ZFHX4: variants seen among roughly 807,000 people sequenced by gnomAD.
ZFHX4 encodes the protein zinc finger homeobox 4.
In ZFHX4, 56 loss-of-function variants were observed where a neutral mutation model predicts 267.6. The observed-to-expected ratio is 0.21, with a 90% CI of 0.17 to 0.26. ZFHX4 has a LOEUF of 0.26. Ranked by LOEUF, ZFHX4 falls within the 10% of genes least tolerant of loss-of-function variation. The pLI, the probability that ZFHX4 is intolerant of heterozygous loss-of-function variation, is 1.00. For missense variants in ZFHX4, 4,332 were observed against 4,420.0 expected (o/e 0.98, Z 0.56); for synonymous variants, 1,778 against 1,665.6 (o/e 1.07, Z -1.64).
chr8:76,825,930 A>G (rs963586973), intron 4 of ZFHX4, among the ~76,000 whole-genome samples: 1 of 152,230 alleles, frequency 6.6e-6, no homozygotes, highest in African/African-American at 2.4e-5. Context: ...TCACTGAGCC[A>G]AAGAAATGCA....
intron 3 of ZFHX4, among the ~76,000 whole-genome samples, chr8:76,740,535 C>G (rs558614860): frequency 6.6e-6 from 1 of 151,884 alleles, no homozygotes; most frequent in South Asian, 2.1e-4. Flanking sequence ...GAGAAAGAGT[C>G]AAGGAGAAAA....
chr8:76,710,991 A>C (rs1808407723), intron 3 of ZFHX4, among the ~76,000 whole-genome samples: 1 of 152,116 alleles, frequency 6.6e-6, no homozygotes. Context: ...GCTAGTAAAA[A>C]ATATTTATTT....
At chr8:76,811,519 T>C (rs538813014) in intron 4 of ZFHX4, among the ~76,000 whole-genome samples, 4 of 152,280 alleles carry the variant, frequency 2.6e-5, no homozygotes, top group African/African-American at 9.6e-5. Flanking sequence ...AGTTAGTTTA[T>C]TTCAATGTAA....
intron 3 of ZFHX4, among the ~76,000 whole-genome samples, chr8:76,744,321 G>C (rs1215118568): frequency 6.6e-6 from 1 of 152,036 alleles, no homozygotes; most frequent in East Asian, 1.9e-4. Context: ...ACTTTAGCCT[G>C]GGCGACAGAG....
chr8:76,770,155 C>T (rs534262416), intron 3 of ZFHX4, among the ~76,000 whole-genome samples: 2 of 152,266 alleles, frequency 1.3e-5, no homozygotes, highest in South Asian at 2.1e-4. Flanking sequence ...TGTTATAACA[C>T]AAATAAATCT....
intron 3 of ZFHX4, among the ~76,000 whole-genome samples, chr8:76,764,769 A>C (rs1810008617): frequency 6.6e-6 from 1 of 152,116 alleles, no homozygotes; most frequent in Non-Finnish European, 1.5e-5. Context: ...TCTTTGTTTA[A>C]CTTCATATTA....
At position 76,706,556 on chromosome 8, in the gene ZFHX4, A is replaced by C; in HGVS notation, c.2468A>C (p.Tyr823Ser). The C allele has an allele frequency of 1.2e-6, 2 of 1,612,686 alleles. No individual in the cohort carries two copies. The highest frequency in any genetic ancestry group is 1.7e-6 in the Non-Finnish European group (2 of 1,179,462). Reference sequence around the variant, plus strand: ...CCGGCGGAAGCAGAGCTTTATCAGTACTACCTAGCCCAGAACATAGGCCTG... The same window carrying C: ...CCGGCGGAAGCAGAGCTTTATCAGTCCTACCTAGCCCAGAACATAGGCCTG... ...LAPAEAELYQ[Y>S]YLAQNIGLTG... Residue 823 changes from tyrosine (Y) to serine (S), a missense_variant, in exon 2 of 11, where the codon TAC (tyrosine) becomes TCC (serine). Physicochemically the swap from Tyr to Ser is moderately radical, Grantham distance 144. This residue lies in a region of ZFHX4 where 1,195 missense variants were observed against 1,173.6 expected (regional missense o/e 1.02). Transcript: ENST00000651372.
At chr8:76,699,515 G>GT (rs371838765) in intron 1 of ZFHX4, among the ~76,000 whole-genome samples, 5 of 152,166 alleles carry the variant, frequency 3.3e-5, no homozygotes, top group African/African-American at 1.2e-4. Context: ...TGTATCTGAC[G>GT]TAACTGGTAC....
chr8:76,853,047 T>TCCCCCCCCC lies in ZFHX4; in HGVS notation c.6131_6132insCCCCCCCCC (p.Pro2059_Pro2061dup). 1.1e-6 allele frequency: 1 copy of TCCCCCCCCC among 901,580 alleles called. No individual in the cohort carries two copies. The highest frequency in any genetic ancestry group is 1.7e-6 in the Non-Finnish European group (1 of 602,260). 55.8% of individuals were successfully genotyped at this position (901,580 alleles called of 1,614,324 possible). A position where few individuals can be genotyped will look rare whatever the true frequency, so the allele number is the denominator to read the frequency against. ...CTCTGCAAGCTCCACCACCCACTCC[T>TCCCCCCCCC]CCCCCACCACCACCACCTCCTCCTC... On this transcript the variant is annotated inframe_insertion, in exon 10 of 11. Transcript: ENST00000651372.
chr8:76,723,590 A>C (rs1278028765), intron 3 of ZFHX4, among the ~76,000 whole-genome samples: 1 of 150,814 alleles, frequency 6.6e-6, no homozygotes, highest in Non-Finnish European at 1.5e-5. Flanking sequence ...TACTCATTTC[A>C]TGTATTCATT....
At chr8:76,797,613 C>T (rs1442203641) in intron 4 of ZFHX4, among the ~76,000 whole-genome samples, 4 of 152,056 alleles carry the variant, frequency 2.6e-5, no homozygotes, top group Admixed American at 6.6e-5. Context: ...CTTTTACTTG[C>T]GTTAATCAAC....
Position 76,704,578 on chromosome 8 carries a change from G to A in ZFHX4, c.490G>A (p.Ala164Thr), listed in dbSNP as rs147642461. 3,111 of 1,613,932 alleles carry A rather than the reference G, an allele frequency of 1.9e-3. 10 individuals are homozygous for A. The highest frequency in any genetic ancestry group is 2.4e-3 in the Non-Finnish European group (2,838 of 1,179,880). Residue 164 changes from alanine (A) to threonine (T), a missense_variant, in exon 2 of 11, where the codon GCG (alanine) becomes ACG (threonine). Physicochemically the swap from Ala to Thr is moderately conservative, Grantham distance 58. Transcript: ENST00000651372. Reference protein sequence around the residue: ...TGANSKLFSTAMFLDSLASAG... With the variant: ...TGANSKLFSTTMFLDSLASAG... Reference sequence around the variant, plus strand: ...GGCAAATAGCAAACTCTTTTCTACAGCGATGTTCCTGGACTCCCTGGCATC... The same window carrying A: ...GGCAAATAGCAAACTCTTTTCTACAACGATGTTCCTGGACTCCCTGGCATC...
chr8:76,826,766 T>G (rs1811796203), intron 4 of ZFHX4, among the ~76,000 whole-genome samples: 1 of 152,232 alleles, frequency 6.6e-6, no homozygotes, highest in Non-Finnish European at 1.5e-5. Context: ...GAGTAAGTTC[T>G]AGAGATCTGC....
At chr8:76,771,127 T>C (rs940160906) in intron 3 of ZFHX4, among the ~76,000 whole-genome samples, 1 of 152,168 alleles carries the variant, frequency 6.6e-6, no homozygotes, top group Non-Finnish European at 1.5e-5. Flanking sequence ...TGAAGAGTGT[T>C]AAGTAGAGAT....
At chr8:76,683,432 A>C (rs1442919719) in intron 1 of ZFHX4, among the ~76,000 whole-genome samples, 1 of 147,550 alleles carries the variant, frequency 6.8e-6, no homozygotes, top group Non-Finnish European at 1.5e-5. Context: ...ACAAAAACCC[A>C]AAGACAAGTT....
At chr8:76,718,051 C>CT (rs1446124687) in intron 3 of ZFHX4, among the ~76,000 whole-genome samples, 5 of 152,190 alleles carry the variant, frequency 3.3e-5, no homozygotes, top group Non-Finnish European at 7.3e-5. Context: ...GGTAGCAAGT[C>CT]TAATTGCCGA....
intron 4 of ZFHX4, among the ~76,000 whole-genome samples, chr8:76,813,569 A>G (rs1290491450): frequency 6.6e-6 from 1 of 152,162 alleles, no homozygotes; most frequent in African/African-American, 2.4e-5. Flanking sequence ...TACTTTTTGT[A>G]GAATACATAT....
chr8:76,825,742 T>C (rs1811767390), intron 4 of ZFHX4, among the ~76,000 whole-genome samples: 1 of 152,146 alleles, frequency 6.6e-6, no homozygotes, highest in Non-Finnish European at 1.5e-5. Flanking sequence ...AATAAAATAT[T>C]GGGAATTATG....
chr8:76,705,686 C>T lies in ZFHX4; in HGVS notation c.1598C>T (p.Thr533Ile). ...TCCTCGGCGACTGTTTCTGATGACA[C>T]AGAAAAGAAAAAACAGACTGCTGCT... ...SSSSATVSDD[T>I]EKKKQTAAVR... is the part of the protein sequence containing the mutation. Residue 533 changes from threonine to isoleucine, a missense_variant, in exon 2 of 11, where the codon ACA becomes ATA. By Grantham distance (89) the Thr-to-Ile change is moderately conservative (BLOSUM62 -1). Coordinates refer to ENST00000651372, the MANE Select transcript of ZFHX4 (RefSeq NM_024721.5). 6.2e-7 allele frequency: 1 copy of T among 1,613,926 alleles called. No homozygotes were observed. Among genetic ancestry groups the T allele is most frequent in the Non-Finnish European group, 8.5e-7 (1 of 1,179,892 alleles).
Sources: allele counts gnomAD v4.1 joint callset (sites outside exome capture counted in the v4.1 genomes callset), GRCh38; gene constraint gnomAD v4.1.1; regional missense constraint gnomAD v4.1.1; transcripts MANE v1.5; gene names NCBI Gene and HGNC (gene_info 2026-07-23, HGNC 2026-07-21).